BRIP1: variants seen among roughly 807,000 people sequenced by gnomAD.
BRIP1 encodes the protein Fanconi anemia group J protein.
BRIP1 carries 88 observed loss-of-function variants against 119.7 expected under a neutral mutation model. The ratio of observed to expected loss-of-function variants is 0.74; its 90% CI spans 0.62 to 0.88. BRIP1 has a LOEUF of 0.88. BRIP1 is among the 40% of genes least tolerant of loss of function. BRIP1 has a pLI of 0.00. For missense variants in BRIP1, 1,259 were observed against 1,455.4 expected (o/e 0.87, Z 2.20); for synonymous variants, 443 against 496.5 (o/e 0.89, Z 1.43).
chr17:61,771,094 A>G (rs2077441302), intron 14 of BRIP1, among the ~76,000 whole-genome samples: 1 of 152,252 alleles, frequency 6.6e-6, no homozygotes, highest in Non-Finnish European at 1.5e-5. Context: ...CAGCCATAAA[A>G]AGGAATAAAG....
chr17:61,785,483 A>G (rs1226780115), intron 10 of BRIP1, among the ~76,000 whole-genome samples: 2 of 152,216 alleles, frequency 1.3e-5, no homozygotes, highest in Non-Finnish European at 2.9e-5. Context: ...ATGGGGAAAT[A>G]GGATAAATAA....
At chr17:61,716,215 T>C in intron 16 of BRIP1, 152 bp from the exon 17 acceptor site, 2 of 555,410 alleles carry the variant, frequency 3.6e-6, no homozygotes, top group Admixed American at 3.3e-5. Flanking sequence ...TCATTTAAAA[T>C]AGTTTTATTT....
Position 61,844,291 on chromosome 17 carries a change from AAAAAC to A in BRIP1, c.627+2805_627+2809del, listed in dbSNP as rs1487784058. On this transcript the variant is annotated intron_variant, in intron 6 of 19. Coordinates refer to ENST00000259008, the MANE Select transcript of BRIP1 (RefSeq NM_032043.3). This position sits in a 1 kb window ranked among gnomAD's most constrained non-coding sequence, Gnocchi z 4.7. ...TCCAAAGTCCATTCTCTTAACCAAT[AAAAAC>A]AAAACAAGCCAGGTGCAGTGATTCA... 2.6e-5 allele frequency among the ~76,000 whole-genome samples: 4 copies of A among 152,170 alleles called. No homozygotes were observed. Among genetic ancestry groups the A allele is most frequent in the Non-Finnish European group, 4.4e-5 (3 of 68,026 alleles).
intron 13 of BRIP1, among the ~76,000 whole-genome samples, chr17:61,777,899 G>A (rs140883448): frequency 1.6e-3 from 248 of 152,010 alleles, no homozygotes; most frequent in African/African-American, 5.6e-3. Flanking sequence ...AGGAATGGGG[G>A]TGAAAATCCC....
In BRIP1 at chr17:61,756,529, G is replaced by A. The variant is rs990274553; in HGVS notation, c.2098-11938C>T. 3.3e-5 allele frequency among the ~76,000 whole-genome samples: 5 copies of A among 152,098 alleles called. No individual in the cohort carries two copies. In the East Asian group the frequency reaches 9.6e-4, roughly 29 times the overall value. ...TCACTTCAATTTGTTAACCTCAGAG[G>A]CAATTTTTTTTAAAGTCAGATCTCA... On this transcript the variant is annotated intron_variant, in intron 14 of 19. Transcript: ENST00000259008. This position sits in a 1 kb window ranked among gnomAD's most constrained non-coding sequence, Gnocchi z 4.3.
At position 61,755,856 on chromosome 17, in the gene BRIP1, G is replaced by C. The variant is rs780026306; in HGVS notation, c.2098-11265C>G. 3.3e-5 allele frequency among the ~76,000 whole-genome samples: 5 copies of C among 152,326 alleles called. No homozygotes were observed. Among genetic ancestry groups the C allele is most frequent in the East Asian group, 3.9e-4 (2 of 5,184 alleles). ...GAGAGGAAAGGATGGTCACAATTTGGAAGGTCTGACGAAGTGGTATGTCCT... is the reference window on the plus strand; with the variant it reads ...GAGAGGAAAGGATGGTCACAATTTGCAAGGTCTGACGAAGTGGTATGTCCT... On this transcript the variant is annotated intron_variant, in intron 14 of 19. Transcript: ENST00000259008. The surrounding 1 kb of genome is among the most constrained non-coding windows in gnomAD (Gnocchi z 4.5).
rs2077150651 is a variant in BRIP1 at position 61,752,894 on chromosome 17, G to C, written c.2098-8303C>G. Among the ~76,000 whole-genome samples the C allele has an allele frequency of 6.6e-6, 1 of 152,184 alleles. No individual in the cohort carries two copies. Among genetic ancestry groups the C allele is most frequent in the Admixed American group, 6.5e-5 (1 of 15,270 alleles). Reference sequence around the variant, plus strand: ...GTTCACAGGTGCTCTGTAGGTATATGATTAGCCCAAATATGATTACAGTAC... The same window carrying C: ...GTTCACAGGTGCTCTGTAGGTATATCATTAGCCCAAATATGATTACAGTAC... On this transcript the variant is annotated intron_variant, in intron 14 of 19. Coordinates refer to ENST00000259008, the MANE Select transcript of BRIP1 (RefSeq NM_032043.3). The surrounding 1 kb of genome is among the most constrained non-coding windows in gnomAD (Gnocchi z 6.2).
Position 61,701,432 on chromosome 17 carries a change from G to T in BRIP1, c.2493-7920C>A, listed in dbSNP as rs12453293. Among the ~76,000 whole-genome samples, 31,601 of 152,102 alleles carry T rather than the reference G, an allele frequency of 0.21. 4,131 individuals carry two copies. Among genetic ancestry groups the T allele is most frequent in the Admixed American group, 0.42 (6,332 of 15,246 alleles). Reference sequence around the variant, plus strand: ...TTCCTTAAATGTCTAGAACCATCATGTCTCCCATTCTTTGCCAAGAGTCTC... The same window carrying T: ...TTCCTTAAATGTCTAGAACCATCATTTCTCCCATTCTTTGCCAAGAGTCTC... On this transcript the variant is annotated intron_variant, in intron 17 of 19. Transcript: ENST00000259008. The surrounding 1 kb of genome is among the most constrained non-coding windows in gnomAD (Gnocchi z 5.1).
Position 61,780,338 on chromosome 17 carries a change from T to C in BRIP1, c.1858A>G (p.Met620Val), listed in dbSNP as rs876658346. The change falls in exon 13 of 20, where the codon ATG (methionine) becomes GTG (valine). Residue 620 changes from methionine (M) to valine (V), a missense_variant. By Grantham distance (21) the Met-to-Val change is conservative. Transcript: ENST00000259008. This position sits in a 1 kb window ranked among gnomAD's most constrained non-coding sequence, Gnocchi z 5.4. ...CCAAGTTCTGACGAAAAGGATTTCA[T>C]TGGTGATAATGTACCAGATGTCAAA... ...IVLTSGTLSP[M>V]KSFSSELGVT... The C allele has an allele frequency of 1.9e-6, 3 of 1,610,860 alleles. No individual in the cohort carries two copies. Among genetic ancestry groups the C allele is most frequent in the Non-Finnish European group, 2.5e-6 (3 of 1,177,052 alleles).
At chr17:61,765,829 G>GCACACACACACACACACA (rs71150698) in intron 14 of BRIP1, among the ~76,000 whole-genome samples, 5 of 146,428 alleles carry the variant, frequency 3.4e-5, no homozygotes, top group Admixed American at 6.9e-5. Context: ...CTATATTCAT[G>GCACACACACACACACACA]CACACACACA....
At chr17:61,707,669 T>C (rs2061710862) in intron 17 of BRIP1, among the ~76,000 whole-genome samples, 1 of 152,172 alleles carries the variant, frequency 6.6e-6, no homozygotes, top group South Asian at 2.1e-4. Flanking sequence ...TTCTAAGCAC[T>C]TTTTCTTATT....
chr17:61,817,331 T>TA (rs1194599574), intron 6 of BRIP1, among the ~76,000 whole-genome samples: 10 of 152,050 alleles, frequency 6.6e-5, no homozygotes, highest in Non-Finnish European at 1.3e-4. Context: ...AAAAGGCTTT[T>TA]AAAAAAAACC....
chr17:61,780,620 C>T lies in BRIP1; in HGVS notation c.1795-219G>A, dbSNP rs1043221991. ...ACACATGCCTATAGTCCCAGCTACT[C>T]GGGAAGCTAAGGTGGGAGGATCGCT... is the stretch of plus-strand genomic sequence containing the variant. On this transcript the variant is annotated intron_variant, in intron 12 of 19. Transcript: ENST00000259008. This position sits in a 1 kb window ranked among gnomAD's most constrained non-coding sequence, Gnocchi z 5.4. Among the ~76,000 whole-genome samples, 29 of 151,908 alleles carry T rather than the reference C, an allele frequency of 1.9e-4. No homozygotes were observed. The highest frequency in any genetic ancestry group is 3.1e-4 in the African/African-American group (13 of 41,362).
rs1302107632 is a variant in BRIP1 at position 61,807,239 on chromosome 17, A to C, written c.918+1228T>G. Among the ~76,000 whole-genome samples the C allele has an allele frequency of 6.6e-6, 1 of 152,176 alleles. No homozygotes were observed. Among genetic ancestry groups the C allele is most frequent in the Non-Finnish European group, 1.5e-5 (1 of 68,024 alleles). ...ATTATTTTTGAACACCTGACACTTA[A>C]TACTTTCATCTCTCCTTGAAGAGAA... On this transcript the variant is annotated intron_variant, in intron 7 of 19. Coordinates refer to ENST00000259008, the MANE Select transcript of BRIP1 (RefSeq NM_032043.3). The surrounding 1 kb of genome is among the most constrained non-coding windows in gnomAD (Gnocchi z 4.5).
In BRIP1 at chr17:61,798,526, A is replaced by C. The variant is rs2077936357; in HGVS notation, c.1340+574T>G. Among the ~76,000 whole-genome samples the C allele has an allele frequency of 1.3e-5, 2 of 152,012 alleles. No homozygotes were observed. Among genetic ancestry groups the C allele is most frequent in the African/African-American group, 2.4e-5 (1 of 41,430 alleles). On this transcript the variant is annotated intron_variant, in intron 9 of 19. Transcript: ENST00000259008. This position sits in a 1 kb window ranked among gnomAD's most constrained non-coding sequence, Gnocchi z 5.5. ...ACATTCAAATTTTTTTAAAGTGTAA[A>C]TGTGAAGGAAACAGAAAAATGCTAC...
rs2078749491 is a variant in BRIP1, at chr17:61,847,231, A to G, written c.508-11T>C. ...ATGACGTTTTCTAATCTGTAAACAC[A>G]GAACCAAAATGAAGTTTAAGGTGAA... On this transcript the variant is annotated splice_polypyrimidine_tract_variant and intron_variant, in intron 5 of 19. Coordinates refer to ENST00000259008, the MANE Select transcript of BRIP1 (RefSeq NM_032043.3). 1 of 1,613,746 alleles carries G rather than the reference A, an allele frequency of 6.2e-7. No homozygotes were observed. The highest frequency in any genetic ancestry group is 8.5e-7 in the Non-Finnish European group (1 of 1,179,752).
At position 61,801,423 on chromosome 17, in the gene BRIP1, T is replaced by A. The variant is rs2077992353; in HGVS notation, c.970A>T (p.Thr324Ser). 1 of 1,613,964 alleles carries A rather than the reference T, an allele frequency of 6.2e-7. No homozygotes were observed. The highest frequency in any genetic ancestry group is 1.3e-5 in the African/African-American group (1 of 75,056). ...HGVHKISDQH[T>S]LQTFQGMCKA... is the part of the protein sequence containing the mutation. ...CACATCCCTTGGAAAGTCTGTAATG[T>A]GTGCTGATCACTAATTTTATGAACT... is the stretch of plus-strand genomic sequence containing the variant. The change falls in exon 8 of 20, where the codon ACA (threonine) becomes TCA (serine). Residue 324 changes from threonine (T) to serine (S), a missense_variant. By Grantham distance (58) the Thr-to-Ser change is moderately conservative. Around this residue, in one of 3 missense-constraint regions of BRIP1, gnomAD observed 501 missense variants for 544.0 expected, o/e 0.92. Transcript: ENST00000259008.
At position 61,851,482 on chromosome 17, in the gene BRIP1, A is replaced by C. The variant is rs111374831; in HGVS notation, c.380-2226T>G. Among the ~76,000 whole-genome samples the C allele has an allele frequency of 2.4e-4, 37 of 152,190 alleles. No individual in the cohort carries two copies. The highest frequency in any genetic ancestry group is 8.7e-4 in the African/African-American group (36 of 41,534). ...TAGGGCTCCAATTTCAATTTTTTCC[A>C]TATGGACATCTAACAGGCCTAGCAC... On this transcript the variant is annotated intron_variant, in intron 4 of 19. Coordinates refer to ENST00000259008, the MANE Select transcript of BRIP1 (RefSeq NM_032043.3). This position sits in a 1 kb window ranked among gnomAD's most constrained non-coding sequence, Gnocchi z 4.6.
At chr17:61,833,564 G>C (rs1377234900) in intron 6 of BRIP1, among the ~76,000 whole-genome samples, 1 of 151,718 alleles carries the variant, frequency 6.6e-6, no homozygotes, top group Admixed American at 6.6e-5. Context: ...CCAGCTACTC[G>C]AGCGGCTGAG....
Sources: gnomAD v4.1 joint callset for allele counts (sites outside exome capture counted in the v4.1 genomes callset) on GRCh38, gnomAD v4.1.1 for gene constraint, gnomAD v4.1.1 regional missense constraint, Gnocchi (gnomAD v3.1) non-coding constraint, MANE v1.5 for transcripts, NCBI Gene and HGNC (gene_info 2026-07-23, HGNC 2026-07-21) for gene names.